PKD2L2: variants seen among roughly 807,000 people sequenced by gnomAD.
PKD2L2 encodes polycystin-2-like protein 2.
Under a neutral mutation model 83.9 loss-of-function variants are expected in PKD2L2, and 67 were observed. The observed-to-expected ratio is 0.80, with a 90% confidence interval of 0.66 to 0.98. PKD2L2 has a LOEUF of 0.98. Ranked by LOEUF, PKD2L2 falls within the 50% of genes least tolerant of loss-of-function variation. The probability of loss-of-function intolerance (pLI) is 0.00; values close to 1 mark genes in which losing one functional copy is unlikely to be tolerated. For synonymous variants in PKD2L2, 223 were observed against 237.8 expected (o/e 0.94, Z 0.57); for missense variants, 632 against 717.2 (o/e 0.88, Z 1.36).
At chr5:137,906,025 T>C (rs777830010) in intron 5 of PKD2L2, among the ~76,000 whole-genome samples, 181 bp from the exon 6 acceptor site, 2 of 152,186 alleles carry the variant, frequency 1.3e-5, no homozygotes, top group Non-Finnish European at 2.9e-5. Context: ...GTGGAGCCAC[T>C]ATGAAATAGG....
intron 14 of PKD2L2, among the ~76,000 whole-genome samples, chr5:137,937,496 C>T (rs1220747680): frequency 6.6e-6 from 1 of 152,120 alleles, no homozygotes. Flanking sequence ...TCTAATTTTT[C>T]TAGGCTATGT....
chr5:137,906,849 A>G (rs1305776618), intron 6 of PKD2L2, among the ~76,000 whole-genome samples: 1 of 152,184 alleles, frequency 6.6e-6, no homozygotes, highest in Non-Finnish European at 1.5e-5. Flanking sequence ...AAAATAGACA[A>G]AAGACAAGGC....
chr5:137,923,295 G>A (rs1318055383), intron 9 of PKD2L2, 125 bp from the exon 10 acceptor site: 10 of 556,610 alleles, frequency 1.8e-5, no homozygotes, highest in East Asian at 3.2e-5. Flanking sequence ...GATTACAGGC[G>A]TGAGCCACCG....
chr5:137,908,980 T>C, intron 8 of PKD2L2, 34 bp downstream of exon 8: 2 of 1,313,798 alleles, frequency 1.5e-6, no homozygotes, highest in Non-Finnish European at 2.1e-6. Context: ...TTATATCTTC[T>C]ATATTTTCTT....
intron 8 of PKD2L2, among the ~76,000 whole-genome samples, chr5:137,918,369 G>A (rs538054487): frequency 1.6e-4 from 25 of 152,288 alleles, no homozygotes; most frequent in African/African-American, 6.0e-4. Flanking sequence ...AAAGTGAGAG[G>A]TAGGGGAAGA....
At position 137,919,780 on chromosome 5, in the gene PKD2L2, T is replaced by C. The variant is rs187631618; in HGVS notation, c.1329-1856T>C. Among the ~76,000 whole-genome samples the C allele has an allele frequency of 8.9e-4, 135 of 152,340 alleles. 2 individuals carry two copies. The South Asian group carries it at 0.015, about 17-fold the overall frequency. ...GATAACTCTGAGTCCTAGGACTTCA[T>C]GTAGCCCATTTCTTTGAATGCTTTT... On this transcript the variant is annotated intron_variant, in intron 8 of 14. Transcript: ENST00000508883.
At chr5:137,920,093 G>A (rs938817744) in intron 8 of PKD2L2, among the ~76,000 whole-genome samples, 4 of 152,176 alleles carry the variant, frequency 2.6e-5, no homozygotes, top group African/African-American at 9.7e-5. Flanking sequence ...AGCTACTCAA[G>A]AGAGGCTGAT....
intron 1 of PKD2L2, 77 bp from the exon 2 acceptor site, chr5:137,890,404 T>G: frequency 1.3e-6 from 1 of 756,876 alleles, no homozygotes; most frequent in Non-Finnish European, 2.3e-6. Context: ...GGACTAAAAG[T>G]GGCTGTGGTT....
intron 14 of PKD2L2, among the ~76,000 whole-genome samples, chr5:137,936,735 G>A (rs7724091): frequency 1.1e-3 from 160 of 152,308 alleles, no homozygotes; most frequent in African/African-American, 3.7e-3. Context: ...GATGACAGGC[G>A]TGAGCCACCG....
intron 5 of PKD2L2, among the ~76,000 whole-genome samples, chr5:137,904,998 T>G (rs1020060977): frequency 1.3e-5 from 2 of 152,158 alleles, no homozygotes; most frequent in South Asian, 4.1e-4. Flanking sequence ...AATCAGAGCT[T>G]TTTACCAACT....
At chr5:137,897,635 T>C (rs1756594404) in intron 4 of PKD2L2, among the ~76,000 whole-genome samples, 1 of 152,194 alleles carries the variant, frequency 6.6e-6, no homozygotes, top group African/African-American at 2.4e-5. Flanking sequence ...AAATGTAAAA[T>C]TCACTAATTA....
At chr5:137,936,764 T>C (rs558856710) in intron 14 of PKD2L2, among the ~76,000 whole-genome samples, 1 of 152,334 alleles carries the variant, frequency 6.6e-6, no homozygotes, top group South Asian at 2.1e-4. Flanking sequence ...CCATTGAGCA[T>C]TTCTTATTCA....
chr5:137,909,994 T>C (rs1043706103), intron 8 of PKD2L2, among the ~76,000 whole-genome samples: 16 of 151,914 alleles, frequency 1.1e-4, no homozygotes, highest in African/African-American at 3.9e-4. Context: ...GAGGCCAAGA[T>C]GGGAGAATCA....
chr5:137,942,269 C>T, intron 14 of PKD2L2, 115 bp from the exon 15 acceptor site: 1 of 536,542 alleles, frequency 1.9e-6, no homozygotes, highest in Non-Finnish European at 3.3e-6. Flanking sequence ...TGACATACAC[C>T]ATATCATCCA....
At chr5:137,900,634 C>T (rs1316948577) in intron 5 of PKD2L2, among the ~76,000 whole-genome samples, 1 of 151,854 alleles carries the variant, frequency 6.6e-6, no homozygotes, top group African/African-American at 2.4e-5. Context: ...GGTGTGAAAA[C>T]CTTGCCCTTT....
intron 8 of PKD2L2, among the ~76,000 whole-genome samples, chr5:137,910,969 T>C (rs931071065): frequency 6.6e-6 from 1 of 152,158 alleles, no homozygotes; most frequent in Non-Finnish European, 1.5e-5. Context: ...TGATAAAATA[T>C]ATATAACATC....
intron 4 of PKD2L2, among the ~76,000 whole-genome samples, chr5:137,896,754 C>T (rs1226031898): frequency 6.6e-6 from 1 of 151,976 alleles, no homozygotes; most frequent in African/African-American, 2.4e-5. Context: ...TCATATAGCT[C>T]TCTTATGCTA....
rs180963360 is a variant in PKD2L2 at position 137,934,485 on chromosome 5, G to C, written c.1672-1312G>C. Among the ~76,000 whole-genome samples, 211 of 152,210 alleles carry C rather than the reference G, an allele frequency of 1.4e-3. 4 individuals carry two copies. The highest frequency in any genetic ancestry group is 0.014 in the Admixed American group (209 of 15,298). ...TATAATGTGTCCAAAACAAAACTAG[G>C]ATTGAAAGCCATCCTTTCCTACTTC... On this transcript the variant is annotated intron_variant, in intron 12 of 14. Transcript: ENST00000508883.
intron 3 of PKD2L2, among the ~76,000 whole-genome samples, chr5:137,894,084 T>A (rs1756232153): frequency 6.6e-6 from 1 of 152,166 alleles, no homozygotes; most frequent in Non-Finnish European, 1.5e-5. Context: ...AAGAAAATTT[T>A]CGATTTACTC....
Sources: gnomAD v4.1 joint callset for allele counts (sites outside exome capture counted in the v4.1 genomes callset) on GRCh38, gnomAD v4.1.1 for gene constraint, MANE v1.5 for transcripts, NCBI Gene and HGNC (gene_info 2026-07-23, HGNC 2026-07-21) for gene names.